Variants in POLE observed in about 807,000 individuals in gnomAD.
POLE encodes DNA polymerase epsilon, catalytic subunit.
A neutral mutation model predicts 279.2 loss-of-function variants in POLE; 188 were observed. The ratio of observed to expected loss-of-function variants is 0.67; its 90% CI spans 0.60 to 0.76. POLE has a LOEUF of 0.76. Among genes scored for constraint, POLE ranks in the 30% least tolerant of loss-of-function variants. The probability of loss-of-function intolerance (pLI) is 0.00; values close to 1 mark genes in which losing one functional copy is unlikely to be tolerated. For synonymous variants in POLE, 1,214 were observed against 1,172.5 expected, an observed-to-expected ratio of 1.04 and a Z score of -0.72; for missense variants, 2,703 against 3,016.7, an observed-to-expected ratio of 0.90 and a Z score of 2.44.
rs531461991 is a variant in POLE, at chr12:132,624,882, G to A, written c.6747+23C>T. ...GAGGCCAAGGAGGCCAGGCTGAGCC[G>A]AGGCAGATGAGGGAGAGCCCACCTG... On this transcript the variant is annotated intron_variant, in intron 48 of 48. Transcript: ENST00000320574. The A allele has an allele frequency of 1.9e-5, 30 of 1,605,602 alleles. No homozygotes were observed. The highest frequency in any genetic ancestry group is 4.0e-5 in the African/African-American group (3 of 74,906).
chr12:132,650,178 C>A, intron 29 of POLE: 1 of 406,240 alleles, frequency 2.5e-6, no homozygotes, highest in Non-Finnish European at 4.5e-6. Context: ...CACTGAACTC[C>A]AGCCTGGGCA....
intron 27 of POLE, 22 bp from the exon 28 acceptor site, chr12:132,657,451 A>G: frequency 6.2e-7 from 1 of 1,609,564 alleles, no homozygotes; most frequent in Non-Finnish European, 8.5e-7. Context: ...GGAAACGGGC[A>G]CAGAGAACAG....
At chr12:132,663,343 C>T (rs747358264) in intron 23 of POLE, among the ~76,000 whole-genome samples, 1 of 152,270 alleles carries the variant, frequency 6.6e-6, no homozygotes, top group Non-Finnish European at 1.5e-5. Flanking sequence ...CACCCACACT[C>T]CCACACCACC....
At chr12:132,638,948 G>A in intron 40 of POLE, 177 bp downstream of exon 40, 1 of 615,648 alleles carries the variant, frequency 1.6e-6, no homozygotes, top group Non-Finnish European at 2.9e-6. Flanking sequence ...ATGTGCAGGC[G>A]ACGCTGCAGC....
intron 39 of POLE, among the ~76,000 whole-genome samples, chr12:132,640,015 G>A (rs2042110473): frequency 6.6e-6 from 1 of 151,914 alleles, no homozygotes; most frequent in South Asian, 2.1e-4. Context: ...TACCCACATG[G>A]CCCCAGCTGG....
rs1278939294 is a variant in POLE at position 132,675,492 on chromosome 12, C to T, written c.1132G>A (p.Val378Ile). Residue 378 changes from valine (V) to isoleucine (I), a missense_variant, in exon 12 of 49, where the codon GTC becomes ATC. Around this residue, in one of 5 missense-constraint regions of POLE, gnomAD observed 1,011 missense variants for 1,111.7 expected, o/e 0.91. Transcript: ENST00000320574. The surrounding 1 kb of genome is among the most constrained non-coding windows in gnomAD (Gnocchi z 4.3). ...TCCTGCTGCATGCTCAGACCGTGGA[C>T]TGCTGCCCGGGCCTCCACAAATGGC... The part of the protein sequence containing the change: ...DWPFVEARAA[V>I]HGLSMQQEIG... The T allele has an allele frequency of 6.2e-7, 1 of 1,614,182 alleles. No individual in the cohort carries two copies. Among genetic ancestry groups the T allele is most frequent in the Admixed American group, 1.7e-5 (1 of 60,034 alleles).
At chr12:132,649,252 C>T (rs2138603325) in intron 31 of POLE, 54 bp downstream of exon 31, 1 of 1,574,008 alleles carries the variant, frequency 6.4e-7, no homozygotes, top group Non-Finnish European at 8.7e-7. Flanking sequence ...CTGGACACCC[C>T]CTCCCTGGGC....
At chr12:132,679,387 G>C in intron 6 of POLE, 110 bp downstream of exon 6, 1 of 1,074,218 alleles carries the variant, frequency 9.3e-7, no homozygotes, top group South Asian at 1.7e-5. Context: ...CAAGTTTTCC[G>C]TATCAAACAG....
chr12:132,636,440 G>GAAAA (rs2042034302), intron 41 of POLE, among the ~76,000 whole-genome samples: 2 of 70,364 alleles, frequency 2.8e-5, no homozygotes, highest in African/African-American at 4.9e-5. Flanking sequence ...ATCCATTTAA[G>GAAAA]GAAAAAAAAA....
chr12:132,683,328 G>C (rs2136041438), intron 1 of POLE, among the ~76,000 whole-genome samples: 1 of 152,294 alleles, frequency 6.6e-6, no homozygotes, highest in Admixed American at 6.5e-5. Context: ...GGGAGAGAGA[G>C]GGTAGGGGGG....
rs1593729601 is a variant in POLE, at chr12:132,642,271, G to A, written c.5079C>T (p.Asp1693=). The A allele has an allele frequency of 6.2e-7, 1 of 1,610,936 alleles. No individual in the cohort carries two copies. The highest frequency in any genetic ancestry group is 8.5e-7 in the Non-Finnish European group (1 of 1,178,582). The part of the protein sequence containing the change: ...LLWLSPTARP[D]LGGKEADDNC... Reference sequence around the variant, plus strand: ...TGTCATCAGCCTCCTTTCCACCCAGGTCAGGGCGGGCTGTAGGGGACAGCC... The same window carrying A: ...TGTCATCAGCCTCCTTTCCACCCAGATCAGGGCGGGCTGTAGGGGACAGCC... The change falls in exon 38 of 49, where the codon GAC becomes GAT. Residue 1693 remains aspartate (D), a synonymous_variant. Transcript: ENST00000320574.
Position 132,675,140 on chromosome 12 carries a change from G to A in POLE, c.1226+258C>T, listed in dbSNP as rs1440571595. Among the ~76,000 whole-genome samples, 4 of 152,204 alleles carry A rather than the reference G, an allele frequency of 2.6e-5. No homozygotes were observed. The highest frequency in any genetic ancestry group is 4.1e-4 in the South Asian group (2 of 4,832). On this transcript the variant is annotated intron_variant, in intron 12 of 48. Coordinates refer to ENST00000320574, the MANE Select transcript of POLE (RefSeq NM_006231.4). The surrounding 1 kb of genome is among the most constrained non-coding windows in gnomAD (Gnocchi z 4.3). Reference sequence around the variant, plus strand: ...TAGGTCTGGGACCTGTCAGCTGAGTGCGTCTTTCCAGCGGCTTCCCCACCC... The same window carrying A: ...TAGGTCTGGGACCTGTCAGCTGAGTACGTCTTTCCAGCGGCTTCCCCACCC...
rs2138596086 is a variant in POLE at position 132,648,935 on chromosome 12, A to G, written c.4143T>C (p.Tyr1381=). The G allele has an allele frequency of 6.2e-7, 1 of 1,612,168 alleles. No homozygotes were observed. Among genetic ancestry groups the G allele is most frequent in the Non-Finnish European group, 8.5e-7 (1 of 1,178,658 alleles). The change falls in exon 32 of 49, where the codon TAT becomes TAC. Residue 1381 remains tyrosine, a synonymous_variant. Transcript: ENST00000320574. ...RVAKAEEGAS[Y]RKVNRVLPRS... ...AGCACCAGCTCCTCCCTACCTTGCG[A>G]TACGAAGCACCCTCCTCCGCTTTAG...
rs919475012 is a variant in POLE at position 132,634,453 on chromosome 12, G to C, written c.5812-75C>G. 1.4e-6 allele frequency: 2 copies of C among 1,450,756 alleles called. No individual in the cohort carries two copies. The highest frequency in any genetic ancestry group is 1.9e-6 in the Non-Finnish European group (2 of 1,053,602). 89.9% of individuals were successfully genotyped at this position (1,450,756 alleles called of 1,614,324 possible). On this transcript the variant is annotated intron_variant, in intron 42 of 48. Coordinates refer to ENST00000320574, the MANE Select transcript of POLE (RefSeq NM_006231.4). The surrounding 1 kb of genome is among the most constrained non-coding windows in gnomAD (Gnocchi z 4.0). ...AGAGGGGTAGGATGCCACAGCGAAG[G>C]CTCCTCCAACCTGGGTCCATCTGCC...
chr12:132,645,810 A>C lies in POLE; in HGVS notation c.4150-1833T>G, dbSNP rs906980752. 4.7e-5 allele frequency among the ~76,000 whole-genome samples: 7 copies of C among 149,570 alleles called. No individual in the cohort carries two copies. In the East Asian group the frequency reaches 9.6e-4, roughly 21 times the overall value. ...GACACACACACACACCCACACACACACACACAAAATCAAAGAAATGAAAAA... is the reference window on the plus strand; with the variant it reads ...GACACACACACACACCCACACACACCCACACAAAATCAAAGAAATGAAAAA... On this transcript the variant is annotated intron_variant, in intron 32 of 48. Transcript: ENST00000320574.
At chr12:132,673,444 G>A in intron 13 of POLE, 131 bp downstream of exon 13, 1 of 1,361,108 alleles carries the variant, frequency 7.3e-7, no homozygotes, top group Non-Finnish European at 1.0e-6. Flanking sequence ...GCTGGGTGGA[G>A]CGGGCTGGCA....
rs2042218907 is a variant in POLE at position 132,644,002 on chromosome 12, C to T, written c.4150-25G>A. The T allele has an allele frequency of 3.1e-6, 5 of 1,605,132 alleles. No individual in the cohort carries two copies. The African/African-American group carries it at 4.0e-5, about 13-fold the overall frequency. On this transcript the variant is annotated intron_variant, in intron 32 of 48. Coordinates refer to ENST00000320574, the MANE Select transcript of POLE (RefSeq NM_006231.4). ...CCTGGCGAGAATACGACGATGATCT[C>T]GTCACTGGGCGTAAGTGGTAATGTC...
At chr12:132,667,387 T>C (rs1201436587) in intron 20 of POLE, 116 bp downstream of exon 20, 1 of 1,052,042 alleles carries the variant, frequency 9.5e-7, no homozygotes, top group Non-Finnish European at 1.4e-6. Context: ...CACGTTACCA[T>C]CCGAGTGCAA....
intron 45 of POLE, 52 bp from the exon 46 acceptor site, chr12:132,626,369 G>T (rs2041840452): frequency 1.3e-6 from 2 of 1,560,458 alleles, no homozygotes; most frequent in Non-Finnish European, 1.8e-6. Flanking sequence ...CCTCCCTGCT[G>T]CTCTGTCTGG....
Sources: allele counts gnomAD v4.1 joint callset (sites outside exome capture counted in the v4.1 genomes callset), GRCh38; gene constraint gnomAD v4.1.1; regional missense constraint gnomAD v4.1.1; non-coding constraint Gnocchi (gnomAD v3.1); transcripts MANE v1.5; gene names NCBI Gene and HGNC (gene_info 2026-07-23, HGNC 2026-07-21).